The following DOCK1 variants were observed in gnomAD, a reference collection of about 807,000 sequenced individuals.
DOCK1 encodes dedicator of cytokinesis protein 1.
DOCK1 carries 138 observed loss-of-function variants against 262.7 expected under a neutral mutation model. The ratio of observed to expected loss-of-function variants is 0.53; its 90% confidence interval spans 0.46 to 0.61. The LOEUF (loss-of-function observed/expected upper bound fraction) is 0.61. Among genes scored for constraint, DOCK1 ranks in the 20% least tolerant of loss-of-function variants. DOCK1 has a pLI of 0.00. For synonymous variants in DOCK1, 866 were observed against 867.4 expected (o/e 1.00, Z 0.03); for missense variants, 1,908 against 2,370.7 (o/e 0.80, Z 4.05).
chr10:127,431,101 G>C (rs2069254704), intron 47 of DOCK1, among the ~76,000 whole-genome samples: 2 of 152,118 alleles, frequency 1.3e-5, no homozygotes, highest in South Asian at 4.1e-4. Flanking sequence ...GAGTGGCTCG[G>C]GGTTTTATGG....
rs2489384 is a variant in DOCK1, at chr10:127,176,452, A to G, written c.2847+48688A>G. 0.7 allele frequency: 1,019,650 copies of G among 1,454,960 alleles called. 358,923 individuals are homozygous for G. Among genetic ancestry groups the G allele is most frequent in the East Asian group, 0.88 (38,381 of 43,720 alleles). The allele number at this position is 1,454,960 out of a possible 1,614,324, so 90.1% of individuals were successfully genotyped here. On this transcript the variant is annotated intron_variant, in intron 27 of 51. Coordinates refer to ENST00000623213, the MANE Select transcript of DOCK1 (RefSeq NM_001290223.2). The surrounding 1 kb of genome is among the most constrained non-coding windows in gnomAD (Gnocchi z 4.4). ...GTCAGTGGGACAGAAATACACACTC[A>G]AGCACCGGCCGCACAAACTTTTAGC...
At chr10:127,303,740 TC>T (rs1333529055) in intron 29 of DOCK1, among the ~76,000 whole-genome samples, 1 of 150,430 alleles carries the variant, frequency 6.6e-6, no homozygotes, top group African/African-American at 2.5e-5. Context: ...GTGCCCGTAG[TC>T]CCAGCTACTT....
intron 24 of DOCK1, 27 bp downstream of exon 24, chr10:127,106,328 T>C: frequency 6.3e-7 from 1 of 1,578,884 alleles, no homozygotes; most frequent in East Asian, 2.3e-5. Context: ...GGCGAATGCT[T>C]GTCACGTGCC....
chr10:127,264,684 AG>A (rs996058320), intron 29 of DOCK1, among the ~76,000 whole-genome samples: 18 of 151,806 alleles, frequency 1.2e-4, no homozygotes, highest in Non-Finnish European at 2.4e-4. Flanking sequence ...TTTCCAAGAC[AG>A]GGTCTCACTC....
At chr10:127,304,267 A>G (rs1362381782) in intron 29 of DOCK1, among the ~76,000 whole-genome samples, 2 of 152,194 alleles carry the variant, frequency 1.3e-5, no homozygotes, top group Non-Finnish European at 2.9e-5. Context: ...ATGCCATTCC[A>G]GGAGTGTTAC....
intron 24 of DOCK1, 122 bp from the exon 25 acceptor site, chr10:127,110,126 G>T: frequency 1.3e-6 from 1 of 754,124 alleles, no homozygotes; most frequent in Non-Finnish European, 2.3e-6. Flanking sequence ...TGCATGAGAG[G>T]CTGTGTTGAA....
chr10:127,286,829 T>G (rs1399340416), intron 29 of DOCK1, among the ~76,000 whole-genome samples: 1 of 152,122 alleles, frequency 6.6e-6, no homozygotes, highest in East Asian at 1.9e-4. Context: ...TCTAGTAAGT[T>G]TCCGATAATC....
intron 21 of DOCK1, among the ~76,000 whole-genome samples, chr10:127,046,936 C>G (rs2044388033): frequency 6.6e-6 from 1 of 152,058 alleles, no homozygotes; most frequent in African/African-American, 2.4e-5. Context: ...AGTACCCCAG[C>G]AGATTGCTTT....
chr10:127,333,518 A>G (rs2063071127), intron 29 of DOCK1, among the ~76,000 whole-genome samples: 1 of 152,186 alleles, frequency 6.6e-6, no homozygotes, highest in African/African-American at 2.4e-5. Flanking sequence ...ATTAACATAT[A>G]ATTATTTAGG....
At chr10:127,426,413 G>A (rs1487437803) in intron 47 of DOCK1, among the ~76,000 whole-genome samples, 11 of 152,180 alleles carry the variant, frequency 7.2e-5, no homozygotes, top group Non-Finnish European at 1.3e-4. Context: ...CACTCACGAC[G>A]GCCCATGGCA....
In DOCK1 at chr10:127,176,230, G is replaced by A. The variant is rs1486185769; in HGVS notation, c.2847+48466G>A. The A allele has an allele frequency of 1.2e-6, 2 of 1,614,126 alleles. No homozygotes were observed. The highest frequency in any genetic ancestry group is 1.7e-6 in the Non-Finnish European group (2 of 1,180,024). ...AGCTGTGTGTCCCTCTGCTCATTCTGTGCCTCGCAGATATCCTTAAACCGC... is the reference window on the plus strand; with the variant it reads ...AGCTGTGTGTCCCTCTGCTCATTCTATGCCTCGCAGATATCCTTAAACCGC... On this transcript the variant is annotated intron_variant, in intron 27 of 51. Coordinates refer to ENST00000623213, the MANE Select transcript of DOCK1 (RefSeq NM_001290223.2). The surrounding 1 kb of genome is among the most constrained non-coding windows in gnomAD (Gnocchi z 4.4).
At chr10:127,232,837 T>C (rs74843191) in intron 27 of DOCK1, among the ~76,000 whole-genome samples, 15,333 of 152,282 alleles carry the variant, frequency 0.1, 1,033 homozygotes, top group Non-Finnish European at 0.15. Flanking sequence ...ACAAACAAGT[T>C]GTGATTCTGG....
At chr10:127,415,385 C>A in intron 44 of DOCK1, 147 bp downstream of exon 44, 1 of 690,080 alleles carries the variant, frequency 1.4e-6, no homozygotes. Context: ...CCCACCTGTT[C>A]TTGAGAGCAT....
chr10:127,276,795 A>G (rs1262792156), intron 29 of DOCK1, among the ~76,000 whole-genome samples: 1 of 152,188 alleles, frequency 6.6e-6, no homozygotes, highest in Non-Finnish European at 1.5e-5. Context: ...TGTTTTTCCA[A>G]TTCCTCTATT....
rs1248957962 is a variant in DOCK1, at chr10:127,440,815, CA to C, written c.5259+1591del. On this transcript the variant is annotated intron_variant, in intron 49 of 51. Transcript: ENST00000623213. ...ATGAGGGTGGCCGAGGATGTCAGAC[CA>C]GGGGGGCACTGGCTGGAGGCTGGCC... is the stretch of plus-strand genomic sequence containing the variant. 2.6e-5 allele frequency among the ~76,000 whole-genome samples: 4 copies of C among 152,136 alleles called. No individual in the cohort carries two copies. In the East Asian group the frequency reaches 7.7e-4, roughly 29 times the overall value.
chr10:127,097,293 C>T (rs1030438701), intron 23 of DOCK1, among the ~76,000 whole-genome samples: 3 of 152,074 alleles, frequency 2.0e-5, no homozygotes, highest in Non-Finnish European at 4.4e-5. Flanking sequence ...TTGCTGAATA[C>T]GATGAGTTCC....
chr10:127,433,934 G>A (rs2069480703), intron 48 of DOCK1, among the ~76,000 whole-genome samples: 1 of 151,904 alleles, frequency 6.6e-6, no homozygotes, highest in Admixed American at 6.6e-5. Context: ...GCTCAGGGAA[G>A]CCAAAAGATT....
At chr10:127,050,335 TTATAATAGATTTTCCAACTATTATA>T (rs2044635661) in intron 21 of DOCK1, among the ~76,000 whole-genome samples, 1 of 151,540 alleles carries the variant, frequency 6.6e-6, no homozygotes, top group Non-Finnish European at 1.5e-5. Flanking sequence ...TATTTCTTAA[TTATAATAGATTTTCCAACTATTATA>T]TATAATAGAT....
Position 127,409,022 on chromosome 10 carries a change from T to C in DOCK1, c.4123-15T>C, listed in dbSNP as rs1437503744. 4 of 1,572,626 alleles carry C rather than the reference T, an allele frequency of 2.5e-6. No individual in the cohort carries two copies. Among genetic ancestry groups the C allele is most frequent in the African/African-American group, 2.7e-5 (2 of 73,958 alleles). Reference sequence around the variant, plus strand: ...TTTCTCTGTGGTGTTATGAAATGAATGTCACCCTTTTCAGGGAAAAGTTTT... The same window carrying C: ...TTTCTCTGTGGTGTTATGAAATGAACGTCACCCTTTTCAGGGAAAAGTTTT... On this transcript the variant is annotated splice_polypyrimidine_tract_variant and intron_variant, in intron 40 of 51. Transcript: ENST00000623213.
Sources: gnomAD v4.1 joint callset for allele counts (sites outside exome capture counted in the v4.1 genomes callset) on GRCh38, gnomAD v4.1.1 for gene constraint, Gnocchi (gnomAD v3.1) non-coding constraint, MANE v1.5 for transcripts, NCBI Gene and HGNC (gene_info 2026-07-23, HGNC 2026-07-21) for gene names.